Variants in APOC1 observed in about 807,000 individuals in gnomAD.
The protein encoded by APOC1 is apolipoprotein C1.
Under a neutral mutation model 6.7 loss-of-function variants are expected in APOC1, and 4 were observed. The ratio of observed to expected loss-of-function variants is 0.60; its 90% confidence interval spans 0.29 to 1.37. The LOEUF is 1.37. Ranked by LOEUF, APOC1 falls within the 40% of genes most tolerant of loss-of-function variation. APOC1 has a pLI of 0.09. For missense variants in APOC1, 122 were observed against 99.4 expected (o/e 1.23, Z -0.97); for synonymous variants, 33 against 40.6 (o/e 0.81, Z 0.72).
rs1161202335 is a variant in APOC1, at chr19:44,919,191, A to G, written c.213A>G (p.Thr71=). The part of the protein sequence containing the change: ...SAKMREWFSE[T]FQKVKEKLKI... ...CCCACAGGGAGTGGTTTTCAGAGAC[A>G]TTTCAGAAAGTGAAGGAGAAACTCA... The change falls in exon 4 of 4, where the codon ACA becomes ACG. Residue 71 remains threonine, a synonymous_variant. Transcript: ENST00000592535. 3.7e-6 allele frequency: 6 copies of G among 1,613,902 alleles called. No homozygotes were observed. The South Asian group carries it at 5.5e-5, about 15-fold the overall frequency.
chr19:44,915,230 G>A (rs896773415), intron 2 of APOC1: 6 of 515,384 alleles, frequency 1.2e-5, no homozygotes, highest in Non-Finnish European at 2.1e-5. Context: ...AAGCTGGGTG[G>A]GGGGCTCTGG....
At chr19:44,915,200 C>A in intron 2 of APOC1, 1 of 546,590 alleles carries the variant, frequency 1.8e-6, no homozygotes, top group Non-Finnish European at 3.3e-6. Context: ...TGTCCTGCTT[C>A]GACAGCCTTG....
intron 3 of APOC1, among the ~76,000 whole-genome samples, chr19:44,918,337 CTTTTTTTTT>C (rs1200008263): frequency 2.2e-5 from 2 of 90,348 alleles, no homozygotes; most frequent in East Asian, 4.0e-4. Flanking sequence ...TGAAGTGTTT[CTTTTTTTTT>C]TTTTTTTTTT....
Position 44,918,599 on chromosome 19 carries a change from G to A in APOC1, c.195-574G>A, listed in dbSNP as rs188999888. On this transcript the variant is annotated intron_variant, in intron 3 of 3. Coordinates refer to ENST00000592535, the MANE Select transcript of APOC1 (RefSeq NM_001645.5). ...TTGTATTCTTAGCCAGCATGGTCTCGATCTCCTGACCTGGTGATCCACCCG... is the reference window on the plus strand; with the variant it reads ...TTGTATTCTTAGCCAGCATGGTCTCAATCTCCTGACCTGGTGATCCACCCG... Among the ~76,000 whole-genome samples the A allele has an allele frequency of 2.5e-3, 376 of 152,104 alleles. 2 individuals carry two copies. Among genetic ancestry groups the A allele is most frequent in the Non-Finnish European group, 4.4e-3 (302 of 68,006 alleles).
intron 2 of APOC1, chr19:44,915,178 T>C: frequency 1.7e-6 from 1 of 581,238 alleles, no homozygotes; most frequent in Non-Finnish European, 3.1e-6. Flanking sequence ...GGCCCACACC[T>C]CTGGGATTGG....
Position 44,919,258 on chromosome 19 carries a change from G to A in APOC1, c.*28G>A. 4 of 1,609,970 alleles carry A rather than the reference G, an allele frequency of 2.5e-6. No homozygotes were observed. Among genetic ancestry groups the A allele is most frequent in the Non-Finnish European group, 3.4e-6 (4 of 1,176,328 alleles). ...ACCTGAAGGGTGACATCCCAGGAGG[G>A]GCCTCTGAAATTTCCCACACCCCAG... On this transcript the variant is annotated 3_prime_UTR_variant, in exon 4 of 4. Transcript: ENST00000592535.
intron 3 of APOC1, among the ~76,000 whole-genome samples, chr19:44,917,174 G>A (rs1030643377): frequency 1.3e-5 from 2 of 152,200 alleles, no homozygotes; most frequent in Non-Finnish European, 2.9e-5. Context: ...TCTGGTACAT[G>A]TAGATGCTCA....
chr19:44,916,791 C>G (rs951425078), intron 3 of APOC1, among the ~76,000 whole-genome samples: 5 of 116,028 alleles, frequency 4.3e-5, no homozygotes, highest in African/African-American at 1.3e-4. Context: ...GCCTGGGTGA[C>G]AGAAGGAGAC....
At position 44,919,298 on chromosome 19, in the gene APOC1, ACTCC is replaced by A; in HGVS notation, c.*73_*76del. The A allele has an allele frequency of 7.1e-7, 1 of 1,407,598 alleles. No homozygotes were observed. Among genetic ancestry groups the A allele is most frequent in the South Asian group, 1.2e-5 (1 of 86,090 alleles). 87.2% of individuals were successfully genotyped at this position (1,407,598 alleles called of 1,614,324 possible). A position where few individuals can be genotyped will look rare whatever the true frequency, so the allele number is the denominator to read the frequency against. ...CCACACCCCAGCGCCTGTGCTGAGG[ACTCC>A]CTCCATGTGGCCCCAGGTGCCACCA... On this transcript the variant is annotated 3_prime_UTR_variant, in exon 4 of 4. Coordinates refer to ENST00000592535, the MANE Select transcript of APOC1 (RefSeq NM_001645.5).
In APOC1 at chr19:44,916,313, C is replaced by A. The variant is rs1056943467; in HGVS notation, c.182C>A (p.Ser61Tyr). The A allele has an allele frequency of 6.2e-7, 1 of 1,613,848 alleles. No homozygotes were observed. Among genetic ancestry groups the A allele is most frequent in the Non-Finnish European group, 8.5e-7 (1 of 1,179,982 alleles). Residue 61 changes from serine (S) to tyrosine (Y), a missense_variant, in exon 3 of 4, where the codon TCT becomes TAT. By Grantham distance (144) the Ser-to-Tyr change is moderately radical. Coordinates refer to ENST00000592535, the MANE Select transcript of APOC1 (RefSeq NM_001645.5). ...AGCCGCATCAAACAGAGTGAACTTT[C>A]TGCCAAGATGCGGTTAGAACCCTTC... ...LISRIKQSELSAKMREWFSET... is the reference protein window; with the variant it reads ...LISRIKQSELYAKMREWFSET...
chr19:44,916,324 C>T lies in APOC1; in HGVS notation c.193C>T (p.Arg65Trp), dbSNP rs780332997. 1.7e-5 allele frequency: 28 copies of T among 1,613,330 alleles called. No individual in the cohort carries two copies. In the Admixed American group the frequency reaches 2.8e-4, roughly 16 times the overall value. Reference protein sequence around the residue: ...IKQSELSAKMREWFSETFQKV... With the variant: ...IKQSELSAKMWEWFSETFQKV... ...ACAGAGTGAACTTTCTGCCAAGATGCGGTTAGAACCCTTCCCAGGGCACGG... is the reference window on the plus strand; with the variant it reads ...ACAGAGTGAACTTTCTGCCAAGATGTGGTTAGAACCCTTCCCAGGGCACGG... The change falls in exon 3 of 4, where the codon CGG becomes TGG. Residue 65 changes from arginine to tryptophan, a missense_variant and splice_region_variant. Arg to Trp is a moderately radical substitution (Grantham distance 101). Transcript: ENST00000592535.
intron 2 of APOC1, 138 bp from the exon 3 acceptor site, chr19:44,916,052 G>A: frequency 2.0e-6 from 2 of 988,644 alleles, no homozygotes; most frequent in South Asian, 3.7e-5. Flanking sequence ...CAGGAGAACT[G>A]CTTGAACCCG....
intron 2 of APOC1, chr19:44,915,174 CA>C: frequency 1.7e-6 from 1 of 587,284 alleles, no homozygotes; most frequent in Admixed American, 2.9e-5. Context: ...TTGAGGCCCA[CA>C]CCTCTGGGAT....
intron 3 of APOC1, among the ~76,000 whole-genome samples, chr19:44,918,390 C>A: frequency 9.1e-6 from 1 of 109,470 alleles, no homozygotes; most frequent in South Asian, 3.5e-4. Context: ...GAGACGGAGT[C>A]TCGCTCTGTC....
intron 3 of APOC1, among the ~76,000 whole-genome samples, chr19:44,916,969 A>C (rs916402954): frequency 1.5e-5 from 2 of 130,526 alleles, no homozygotes; most frequent in Non-Finnish European, 3.4e-5. Flanking sequence ...GTCTCCATTT[A>C]AAAAAAAAAA....
intron 2 of APOC1, among the ~76,000 whole-genome samples, chr19:44,915,828 G>A (rs865948257): frequency 6.6e-6 from 1 of 151,956 alleles, no homozygotes; most frequent in East Asian, 1.9e-4. Context: ...AATTAGCCAG[G>A]TGTGGAGGCA....
At chr19:44,914,426 C>T, upstream of APOC1, 1 of 156,656 alleles carries the variant, frequency 6.4e-6, no homozygotes, top group South Asian at 2.0e-4. Context: ...CCTCCTGCTA[C>T]ATTCTGAGTG....
Position 44,919,192 on chromosome 19 carries a change from T to G in APOC1, c.214T>G (p.Phe72Val), listed in dbSNP as rs769415929. ...AKMREWFSET[F>V]QKVKEKLKID... ...CCACAGGGAGTGGTTTTCAGAGACA[T>G]TTCAGAAAGTGAAGGAGAAACTCAA... Residue 72 changes from phenylalanine to valine, a missense_variant, in exon 4 of 4, where the codon TTT becomes GTT. Coordinates refer to ENST00000592535, the MANE Select transcript of APOC1 (RefSeq NM_001645.5). 1.9e-6 allele frequency: 3 copies of G among 1,613,890 alleles called. No individual in the cohort carries two copies. Among genetic ancestry groups the G allele is most frequent in the South Asian group, 2.2e-5 (2 of 91,080 alleles).
Position 44,919,330 on chromosome 19 carries a change from A to G in APOC1, c.*100A>G, listed in dbSNP as rs12721054. Reference sequence around the variant, plus strand: ...CCATGTGGCCCCAGGTGCCACCAATAAAAATCCTACAGAAAATTCTCTCCT... The same window carrying G: ...CCATGTGGCCCCAGGTGCCACCAATGAAAATCCTACAGAAAATTCTCTCCT... On this transcript the variant is annotated 3_prime_UTR_variant, in exon 4 of 4. Transcript: ENST00000592535. 8,737 of 1,079,144 alleles carry G rather than the reference A, an allele frequency of 8.1e-3. 475 individuals carry two copies. In the African/African-American group the frequency reaches 0.12, roughly 15 times the overall value. 66.8% of individuals were successfully genotyped at this position (1,079,144 alleles called of 1,614,324 possible). A position where few individuals can be genotyped will look rare whatever the true frequency, so the allele number is the denominator to read the frequency against.
Sources: allele counts gnomAD v4.1 joint callset (sites outside exome capture counted in the v4.1 genomes callset), GRCh38; gene constraint gnomAD v4.1.1; transcripts MANE v1.5; gene names NCBI Gene and HGNC (gene_info 2026-07-23, HGNC 2026-07-21).